ZRANB3: variants seen among roughly 807,000 people sequenced by gnomAD.
The protein encoded by ZRANB3 is zinc finger RANBP2-type containing 3.
A neutral mutation model predicts 133.8 loss-of-function variants in ZRANB3; 125 were observed. The ratio of observed to expected loss-of-function variants is 0.93; its 90% CI spans 0.81 to 1.08. The LOEUF is 1.08. Among genes scored for constraint, ZRANB3 ranks in the 50% least tolerant of loss-of-function variants. The probability of loss-of-function intolerance (pLI) is 0.00; values close to 1 mark genes in which losing one functional copy is unlikely to be tolerated. For synonymous variants in ZRANB3, 387 were observed against 432.7 expected, an observed-to-expected ratio of 0.89 and a Z score of 1.31; for missense variants, 1,229 against 1,275.5, an observed-to-expected ratio of 0.96 and a Z score of 0.56.
At chr2:135,245,926 C>CAAAAAAAAAAAAAAAAAAAA (rs1177438717) in intron 12 of ZRANB3, among the ~76,000 whole-genome samples, 6 of 19,552 alleles carry the variant, frequency 3.1e-4, no homozygotes, top group African/African-American at 5.7e-4. Flanking sequence ...AACTCCGTCT[C>CAAAAAAAAAAAAAAAAAAAA]AAAAAAAAAA....
In ZRANB3 at chr2:135,472,497, CAAAA is replaced by C. The variant is rs35241215; in HGVS notation, c.161+31828_161+31831del. 6.4e-5 allele frequency among the ~76,000 whole-genome samples: 4 copies of C among 62,016 alleles called. No individual in the cohort carries two copies. In the South Asian group the frequency reaches 1.5e-3, roughly 23 times the overall value. The allele number at this position is 62,016 out of a possible 152,430, so 40.7% of individuals were successfully genotyped here. ...CCTGGGTGACAGCGAGACTCGGTCT[CAAAA>C]AAAAAAAAAAAAAAAAAAACTCACA... On this transcript the variant is annotated intron_variant, in intron 2 of 20. Coordinates refer to ENST00000264159, the MANE Select transcript of ZRANB3 (RefSeq NM_032143.4).
intron 11 of ZRANB3, among the ~76,000 whole-genome samples, chr2:135,268,754 C>T (rs915071065): frequency 5.3e-5 from 8 of 152,050 alleles, no homozygotes; most frequent in Non-Finnish European, 8.8e-5. Context: ...AACAGGAGTA[C>T]GTGGAAGTTC....
chr2:135,318,215 T>C (rs1683350851), intron 6 of ZRANB3, among the ~76,000 whole-genome samples: 1 of 31,084 alleles, frequency 3.2e-5, no homozygotes, highest in Non-Finnish European at 9.2e-5. Context: ...CACTATTTTG[T>C]GTGTGTGTGT....
chr2:135,237,011 G>A (rs1256340961), intron 12 of ZRANB3, among the ~76,000 whole-genome samples: 2 of 151,858 alleles, frequency 1.3e-5, no homozygotes, highest in East Asian at 1.9e-4. Context: ...GCAACCTACA[G>A]AATGGGAGAA....
At chr2:135,274,154 T>C (rs1680671014) in intron 9 of ZRANB3, among the ~76,000 whole-genome samples, 1 of 152,226 alleles carries the variant, frequency 6.6e-6, no homozygotes, top group Non-Finnish European at 1.5e-5. Context: ...GTAATATTAA[T>C]GAACATATTA....
intron 13 of ZRANB3, among the ~76,000 whole-genome samples, chr2:135,229,917 G>GGTATAGA (rs1694921256): frequency 1.3e-5 from 2 of 151,936 alleles, no homozygotes; most frequent in Non-Finnish European, 2.9e-5. Context: ...ACATACTTGA[G>GGTATAGA]GTATATTTAT....
At chr2:135,332,200 C>A (rs1684177245) in intron 6 of ZRANB3, among the ~76,000 whole-genome samples, 2 of 152,160 alleles carry the variant, frequency 1.3e-5, no homozygotes, top group South Asian at 4.2e-4. Flanking sequence ...GTGCTTAATA[C>A]ATAAGTACAT....
intron 6 of ZRANB3, among the ~76,000 whole-genome samples, chr2:135,329,551 T>C (rs1219835424): frequency 6.6e-6 from 1 of 152,246 alleles, no homozygotes; most frequent in East Asian, 1.9e-4. Context: ...GACTCTTTTT[T>C]GGTTCCATAT....
intron 8 of ZRANB3, among the ~76,000 whole-genome samples, chr2:135,291,721 A>T (rs1681746705): frequency 6.6e-6 from 1 of 151,856 alleles, no homozygotes; most frequent in Non-Finnish European, 1.5e-5. Context: ...CATTAGGTGT[A>T]TCTCCTAATG....
At chr2:135,344,626 AC>A (rs1384062373) in intron 6 of ZRANB3, among the ~76,000 whole-genome samples, 1 of 152,154 alleles carries the variant, frequency 6.6e-6, no homozygotes, top group Admixed American at 6.5e-5. Flanking sequence ...AATCTCAGCT[AC>A]TCAGGAGGCT....
At chr2:135,371,903 C>T (rs893687963) in intron 3 of ZRANB3, among the ~76,000 whole-genome samples, 20 of 152,206 alleles carry the variant, frequency 1.3e-4, no homozygotes, top group African/African-American at 3.6e-4. Flanking sequence ...AGCCCACGCA[C>T]GGTGGCTCAC....
At position 135,290,028 on chromosome 2, in the gene ZRANB3, G is replaced by T. The variant is rs143904090; in HGVS notation, c.967-14273C>A. 7.3e-3 allele frequency among the ~76,000 whole-genome samples: 1,113 copies of T among 152,300 alleles called. 11 individuals carry two copies. The highest frequency in any genetic ancestry group is 0.025 in the African/African-American group (1,055 of 41,564). ...ATATAATGTATATTCTGTAGTTGTT[G>T]GGTAGAATGTTCTCTAAATATCTGT... is the stretch of plus-strand genomic sequence containing the variant. On this transcript the variant is annotated intron_variant, in intron 8 of 20. Coordinates refer to ENST00000264159, the MANE Select transcript of ZRANB3 (RefSeq NM_032143.4).
At chr2:135,384,825 GT>G (rs1427635256) in intron 3 of ZRANB3, among the ~76,000 whole-genome samples, 1 of 152,122 alleles carries the variant, frequency 6.6e-6, no homozygotes, top group Non-Finnish European at 1.5e-5. Context: ...AATAAATTGG[GT>G]ATTGATGGGA....
chr2:135,362,604 G>A (rs57961745), intron 3 of ZRANB3, among the ~76,000 whole-genome samples: 15,843 of 152,208 alleles, frequency 0.1, 1,088 homozygotes, highest in South Asian at 0.32. Flanking sequence ...GAAAATCAGG[G>A]AGAAGGCTCT....
rs1323440784 is a variant in ZRANB3, at chr2:135,252,215, A to G, written c.1539+13319T>C. Among the ~76,000 whole-genome samples, 3 of 152,306 alleles carry G rather than the reference A, an allele frequency of 2.0e-5. No homozygotes were observed. In the East Asian group the frequency reaches 5.8e-4, roughly 29 times the overall value. On this transcript the variant is annotated intron_variant, in intron 12 of 20. Transcript: ENST00000264159. ...CTTGAGAGGGGAGGTTGCATGAGGA[A>G]GAAGAGCAAAAAAGATAACTATTGG...
At chr2:135,392,144 G>A (rs984675914) in intron 2 of ZRANB3, among the ~76,000 whole-genome samples, 2 of 151,812 alleles carry the variant, frequency 1.3e-5, no homozygotes, top group African/African-American at 2.4e-5. Context: ...AAAATAGCTG[G>A]AATATTATAA....
At chr2:135,271,166 GT>G (rs1680492050) in intron 10 of ZRANB3, 1 of 322,216 alleles carries the variant, frequency 3.1e-6, no homozygotes, top group Non-Finnish European at 6.4e-6. Context: ...GCTAAGAGTG[GT>G]AAAGCAGAAA....
intron 2 of ZRANB3, among the ~76,000 whole-genome samples, chr2:135,407,479 G>C (rs1230547078): frequency 4.0e-5 from 6 of 148,792 alleles, no homozygotes; most frequent in Non-Finnish European, 8.9e-5. Flanking sequence ...CTACTTTAAA[G>C]TTCATATGGA....
intron 3 of ZRANB3, among the ~76,000 whole-genome samples, chr2:135,358,348 A>G (rs74970727): frequency 1.8e-3 from 267 of 152,280 alleles, no homozygotes; most frequent in Non-Finnish European, 3.4e-3. Flanking sequence ...TGGGAAGTAG[A>G]CAGAATAGTC....
Sources: allele counts gnomAD v4.1 joint callset (sites outside exome capture counted in the v4.1 genomes callset), GRCh38; gene constraint gnomAD v4.1.1; transcripts MANE v1.5; gene names NCBI Gene and HGNC (gene_info 2026-07-23, HGNC 2026-07-21).